Variants in HIBADH observed in about 807,000 individuals in gnomAD.
HIBADH encodes the protein 3-hydroxyisobutyrate dehydrogenase.
Under a neutral mutation model 36.1 loss-of-function variants are expected in HIBADH, and 25 were observed. The observed-to-expected ratio is 0.69, with a 90% CI of 0.50 to 0.97. The LOEUF (loss-of-function observed/expected upper bound fraction) is 0.97, where lower values mean the gene tolerates loss of function less well. HIBADH is among the 50% of genes least tolerant of loss of function. HIBADH has a pLI of 0.00. For missense variants in HIBADH, 421 were observed against 418.0 expected (o/e 1.01, Z -0.06); for synonymous variants, 160 against 149.5 (o/e 1.07, Z -0.51).
intron 5 of HIBADH, chr7:27,541,746 T>A (rs775493644): frequency 2.1e-5 from 9 of 438,420 alleles, no homozygotes; most frequent in Non-Finnish European, 4.5e-6. Flanking sequence ...TCAAGGTTTA[T>A]GGTATTGCAC....
chr7:27,617,712 C>G (rs180778192), intron 4 of HIBADH, among the ~76,000 whole-genome samples: 4 of 152,316 alleles, frequency 2.6e-5, no homozygotes, highest in East Asian at 1.9e-4. Flanking sequence ...CTTCAGCAGT[C>G]CACGTCTCTG....
intron 4 of HIBADH, among the ~76,000 whole-genome samples, chr7:27,608,960 T>C (rs1479666231): frequency 6.6e-6 from 1 of 152,198 alleles, no homozygotes. Flanking sequence ...GAATAGAGCC[T>C]GGCAAGAACA....
intron 4 of HIBADH, among the ~76,000 whole-genome samples, chr7:27,563,067 T>G (rs904746378): frequency 6.6e-6 from 1 of 152,184 alleles, no homozygotes; most frequent in Non-Finnish European, 1.5e-5. Flanking sequence ...CCCTTTGTGG[T>G]CAAACCCTCT....
intron 6 of HIBADH, among the ~76,000 whole-genome samples, chr7:27,537,024 C>G (rs962465043): frequency 1.3e-5 from 2 of 152,122 alleles, no homozygotes; most frequent in Non-Finnish European, 2.9e-5. Flanking sequence ...TTTCCTCTTC[C>G]ATGAAATTAG....
In HIBADH at chr7:27,662,814, T is replaced by C; in HGVS notation, c.-26A>G. On this transcript the variant is annotated 5_prime_UTR_variant, in exon 1 of 8. Transcript: ENST00000265395. ...GCTGCGCCCGCCCCTCTCCCCGCGG[T>C]GACCTCCGCCGCCTCCCGGAGGGCC... The C allele has an allele frequency of 1.4e-6, 2 of 1,458,130 alleles. No homozygotes were observed. Among genetic ancestry groups the C allele is most frequent in the East Asian group, 3.0e-5 (1 of 33,074 alleles). The allele number at this position is 1,458,130 out of a possible 1,614,324, so 90.3% of individuals were successfully genotyped here. A position where few individuals can be genotyped will look rare whatever the true frequency, so the allele number is the denominator to read the frequency against.
At chr7:27,617,928 G>A (rs1469421134) in intron 4 of HIBADH, among the ~76,000 whole-genome samples, 1 of 152,142 alleles carries the variant, frequency 6.6e-6, no homozygotes, top group Non-Finnish European at 1.5e-5. Context: ...AACCCACAGG[G>A]TATACTACTC....
chr7:27,616,700 G>A (rs1242742747), intron 4 of HIBADH, among the ~76,000 whole-genome samples: 1 of 152,120 alleles, frequency 6.6e-6, no homozygotes, highest in East Asian at 1.9e-4. Context: ...GGGCTCAAGT[G>A]ATGTGCTCGC....
intron 5 of HIBADH, among the ~76,000 whole-genome samples, chr7:27,541,147 T>C (rs549588855): frequency 3.2e-4 from 46 of 145,236 alleles, no homozygotes; most frequent in Non-Finnish European, 6.1e-4. Flanking sequence ...TTTTTTTTTT[T>C]TCTCCGTAAT....
chr7:27,550,211 C>T (rs575742447), intron 4 of HIBADH, among the ~76,000 whole-genome samples: 2 of 152,142 alleles, frequency 1.3e-5, no homozygotes, highest in South Asian at 4.2e-4. Context: ...GCCCAGCCAG[C>T]ATTTCTTATA....
intron 2 of HIBADH, among the ~76,000 whole-genome samples, chr7:27,642,654 T>G (rs1197709644): frequency 2.8e-5 from 4 of 141,498 alleles, no homozygotes; most frequent in Non-Finnish European, 4.6e-5. Context: ...TTTTTTTTTT[T>G]TTTTTTTTTT....
At chr7:27,564,131 C>G (rs1160517319) in intron 4 of HIBADH, among the ~76,000 whole-genome samples, 1 of 152,120 alleles carries the variant, frequency 6.6e-6, no homozygotes, top group Non-Finnish European at 1.5e-5. Flanking sequence ...ATCTCCTGAC[C>G]TTGTGATCTG....
chr7:27,617,816 G>C (rs1197200873), intron 4 of HIBADH, among the ~76,000 whole-genome samples: 1 of 151,998 alleles, frequency 6.6e-6, no homozygotes, highest in Non-Finnish European at 1.5e-5. Flanking sequence ...CCCTGCAAGG[G>C]CAGGCACTGC....
chr7:27,655,305 G>C (rs1476314650), intron 1 of HIBADH, among the ~76,000 whole-genome samples: 1 of 152,166 alleles, frequency 6.6e-6, no homozygotes, highest in Non-Finnish European at 1.5e-5. Flanking sequence ...GGCTTAGGTA[G>C]GATAATGGTA....
intron 4 of HIBADH, among the ~76,000 whole-genome samples, chr7:27,622,063 T>TGG (rs1032747064): frequency 2.0e-5 from 3 of 151,966 alleles, no homozygotes; most frequent in Non-Finnish European, 4.4e-5. Context: ...AAGACTAGAC[T>TGG]GGGAAAACAG....
chr7:27,526,143 G>A lies in HIBADH; in HGVS notation c.*71C>T. 1 of 1,318,802 alleles carries A rather than the reference G, an allele frequency of 7.6e-7. No individual in the cohort carries two copies. The highest frequency in any genetic ancestry group is 1.0e-6 in the Non-Finnish European group (1 of 981,686). 81.7% of individuals were successfully genotyped at this position (1,318,802 alleles called of 1,614,324 possible). On this transcript the variant is annotated 3_prime_UTR_variant, in exon 8 of 8. Coordinates refer to ENST00000265395, the MANE Select transcript of HIBADH (RefSeq NM_152740.4). Reference sequence around the variant, plus strand: ...GACCTTTGATTAAATCCATTTACTTGTGGAGTGAGCTAAAAGGAGGCTCCA... The same window carrying A: ...GACCTTTGATTAAATCCATTTACTTATGGAGTGAGCTAAAAGGAGGCTCCA...
At chr7:27,582,629 T>C (rs1377111923) in intron 4 of HIBADH, among the ~76,000 whole-genome samples, 5 of 152,170 alleles carry the variant, frequency 3.3e-5, no homozygotes, top group Admixed American at 2.6e-4. Context: ...TTGAATGCTG[T>C]GGAATGAATC....
intron 4 of HIBADH, among the ~76,000 whole-genome samples, chr7:27,613,656 G>GTTTT (rs769054200): frequency 3.0e-4 from 18 of 60,178 alleles, no homozygotes; most frequent in African/African-American, 1.6e-3. Context: ...GTTGTTGTGG[G>GTTTT]TTTTTTTTGT....
At chr7:27,630,467 T>C (rs1052508799) in intron 3 of HIBADH, among the ~76,000 whole-genome samples, 1 of 151,944 alleles carries the variant, frequency 6.6e-6, no homozygotes, top group Non-Finnish European at 1.5e-5. Flanking sequence ...TTACTATAGA[T>C]ATACTAACCC....
chr7:27,659,552 A>C (rs1005878302), intron 1 of HIBADH, among the ~76,000 whole-genome samples: 1 of 142,160 alleles, frequency 7.0e-6, no homozygotes, highest in African/African-American at 2.5e-5. Context: ...CCATCTCTAC[A>C]AAAAAAATAA....
Sources: gnomAD v4.1 joint callset for allele counts (sites outside exome capture counted in the v4.1 genomes callset) on GRCh38, gnomAD v4.1.1 for gene constraint, MANE v1.5 for transcripts, NCBI Gene and HGNC (gene_info 2026-07-23, HGNC 2026-07-21) for gene names.